The following ATP8A2 variants were observed in gnomAD, a reference collection of about 807,000 sequenced individuals.
ATP8A2 encodes the protein phospholipid-transporting ATPase IB.
Under a neutral mutation model 165.6 loss-of-function variants are expected in ATP8A2, and 100 were observed. The observed-to-expected ratio is 0.60, with a 90% CI of 0.51 to 0.71. The LOEUF is 0.71. ATP8A2 is among the 30% of genes least tolerant of loss of function. The probability of loss-of-function intolerance (pLI) is 0.00; values close to 1 mark genes in which losing one functional copy is unlikely to be tolerated. For synonymous variants in ATP8A2, 543 were observed against 548.8 expected (o/e 0.99, Z 0.15); for missense variants, 1,227 against 1,479.5 (o/e 0.83, Z 2.80).
chr13:25,874,731 A>G (rs977238282), intron 33 of ATP8A2, among the ~76,000 whole-genome samples: 1 of 152,208 alleles, frequency 6.6e-6, no homozygotes, highest in African/African-American at 2.4e-5. Context: ...ACCCAAAAGG[A>G]TTGAAAACAG....
chr13:25,855,580 T>G (rs1392520383), intron 30 of ATP8A2, among the ~76,000 whole-genome samples: 1 of 152,236 alleles, frequency 6.6e-6, no homozygotes. Flanking sequence ...CTATTCATTA[T>G]TTTAAGCTAT....
chr13:25,772,357 T>C (rs1328584458), intron 26 of ATP8A2, among the ~76,000 whole-genome samples: 1 of 152,196 alleles, frequency 6.6e-6, no homozygotes, highest in Admixed American at 6.5e-5. Flanking sequence ...GCAGATGTTT[T>C]CTGTGCCCAT....
At chr13:25,973,643 T>C (rs1341035240) in intron 35 of ATP8A2, among the ~76,000 whole-genome samples, 1 of 152,224 alleles carries the variant, frequency 6.6e-6, no homozygotes, top group East Asian at 1.9e-4. Flanking sequence ...ATACCTGTCA[T>C]GCTTTGATCT....
chr13:25,991,488 T>C, intron 35 of ATP8A2, among the ~76,000 whole-genome samples: 1 of 152,222 alleles, frequency 6.6e-6, no homozygotes, highest in Admixed American at 6.5e-5. Flanking sequence ...TGTGCTTTTA[T>C]AGGTACCCCT....
Position 25,571,677 on chromosome 13 carries a change from A to C in ATP8A2, c.1647A>C (p.Ser549=). ...GFVFTARTPF[S]VIIEAMGQEQ... is the part of the protein sequence containing the mutation. Reference sequence around the variant, plus strand: ...TCTTCACAGCCAGAACACCATTCTCAGTCATCATAGAAGCGGTGAGTAACA... The same window carrying C: ...TCTTCACAGCCAGAACACCATTCTCCGTCATCATAGAAGCGGTGAGTAACA... Residue 549 remains serine, a synonymous_variant, in exon 18 of 37, where the codon TCA becomes TCC. Coordinates refer to ENST00000381655, the MANE Select transcript of ATP8A2 (RefSeq NM_016529.6). 6.2e-7 allele frequency: 1 copy of C among 1,613,992 alleles called. No individual in the cohort carries two copies. Among genetic ancestry groups the C allele is most frequent in the Non-Finnish European group, 8.5e-7 (1 of 1,179,820 alleles).
chr13:25,459,372 A>G (rs1416943269), intron 1 of ATP8A2, among the ~76,000 whole-genome samples: 2 of 152,218 alleles, frequency 1.3e-5, no homozygotes, highest in African/African-American at 4.8e-5. Context: ...TGTCCACTTA[A>G]GACAGAATGC....
intron 1 of ATP8A2, among the ~76,000 whole-genome samples, chr13:25,405,533 G>A (rs557141661): frequency 6.6e-6 from 1 of 152,110 alleles, no homozygotes; most frequent in East Asian, 1.9e-4. Context: ...TCTCTCCTTG[G>A]GGTACTCCCA....
chr13:25,546,768 C>T (rs1394652667), intron 10 of ATP8A2, among the ~76,000 whole-genome samples: 1 of 152,178 alleles, frequency 6.6e-6, no homozygotes, highest in East Asian at 1.9e-4. Context: ...GCTCATTTTA[C>T]AGATGAGGAG....
At chr13:25,711,219 G>C (rs1401630287) in intron 25 of ATP8A2, among the ~76,000 whole-genome samples, 1 of 152,070 alleles carries the variant, frequency 6.6e-6, no homozygotes. Flanking sequence ...TGACGAGGCT[G>C]GTCACGAACT....
At chr13:25,668,898 TTCTA>T (rs1446892475) in intron 24 of ATP8A2, among the ~76,000 whole-genome samples, 3 of 152,166 alleles carry the variant, frequency 2.0e-5, no homozygotes, top group African/African-American at 7.2e-5. Flanking sequence ...TTTTTATAAT[TTCTA>T]TCTCTTTACT....
intron 25 of ATP8A2, among the ~76,000 whole-genome samples, chr13:25,758,845 G>C (rs367704060): frequency 0.022 from 3,420 of 152,164 alleles, 58 homozygotes; most frequent in South Asian, 0.069. Context: ...ATTATTTCCC[G>C]CTATTGAGAT....
chr13:25,804,851 G>T (rs554428766), intron 27 of ATP8A2, among the ~76,000 whole-genome samples: 1 of 152,274 alleles, frequency 6.6e-6, no homozygotes, highest in African/African-American at 2.4e-5. Flanking sequence ...ATCAAGAAAA[G>T]GTAGAAGCTA....
intron 35 of ATP8A2, among the ~76,000 whole-genome samples, 154 bp from the exon 36 acceptor site, chr13:26,012,377 C>T (rs902190369): frequency 6.6e-6 from 1 of 152,228 alleles, no homozygotes; most frequent in East Asian, 1.9e-4. Flanking sequence ...GCCCAGATGG[C>T]ATCTGCTGGA....
chr13:25,580,184 C>G (rs541499253), intron 22 of ATP8A2, among the ~76,000 whole-genome samples: 1 of 152,296 alleles, frequency 6.6e-6, no homozygotes, highest in African/African-American at 2.4e-5. Flanking sequence ...AATATCAGGT[C>G]AAAAACAGCA....
At chr13:25,732,343 T>C (rs969042139) in intron 25 of ATP8A2, among the ~76,000 whole-genome samples, 2 of 152,200 alleles carry the variant, frequency 1.3e-5, no homozygotes, top group East Asian at 3.8e-4. Flanking sequence ...ACTGACCAGC[T>C]ACAATCCCTG....
intron 24 of ATP8A2, among the ~76,000 whole-genome samples, chr13:25,627,529 C>T (rs1593680997): frequency 6.6e-6 from 1 of 152,284 alleles, no homozygotes; most frequent in East Asian, 1.9e-4. Context: ...AACACCTGAT[C>T]TCTCTCTCCA....
intron 1 of ATP8A2, among the ~76,000 whole-genome samples, chr13:25,432,561 G>A (rs2034644793): frequency 6.6e-6 from 1 of 152,122 alleles, no homozygotes; most frequent in Admixed American, 6.5e-5. Flanking sequence ...GGATGTGCTT[G>A]TGGGCTGGTG....
chr13:25,972,316 T>A (rs368183279), intron 35 of ATP8A2, among the ~76,000 whole-genome samples: 2 of 152,224 alleles, frequency 1.3e-5, no homozygotes, highest in Non-Finnish European at 2.9e-5. Flanking sequence ...CATTAGTAGA[T>A]CTTGTCTTCC....
At chr13:25,726,161 T>G (rs201685827) in intron 25 of ATP8A2, among the ~76,000 whole-genome samples, 1 of 152,226 alleles carries the variant, frequency 6.6e-6, no homozygotes, top group East Asian at 1.9e-4. Context: ...GAGGATAATT[T>G]TCTAATTTGT....
Sources: allele counts gnomAD v4.1 joint callset (sites outside exome capture counted in the v4.1 genomes callset), GRCh38; gene constraint gnomAD v4.1.1; transcripts MANE v1.5; gene names NCBI Gene and HGNC (gene_info 2026-07-23, HGNC 2026-07-21).